Variants in EIF2AK2 observed in about 807,000 individuals in gnomAD.
EIF2AK2 encodes eukaryotic translation initiation factor 2 alpha kinase 2.
Under a neutral mutation model 70.5 loss-of-function variants are expected in EIF2AK2, and 40 were observed. The observed-to-expected ratio is 0.57, with a 90% CI of 0.44 to 0.74. The LOEUF (loss-of-function observed/expected upper bound fraction) is 0.74. Ranked by LOEUF, EIF2AK2 falls within the 30% of genes least tolerant of loss-of-function variation. The pLI is 0.00. For synonymous variants in EIF2AK2, 198 were observed against 220.9 expected (o/e 0.90, Z 0.92); for missense variants, 555 against 644.3 (o/e 0.86, Z 1.50).
intron 1 of EIF2AK2, chr2:37,149,282 T>C: frequency 1.9e-6 from 2 of 1,054,512 alleles, no homozygotes; most frequent in East Asian, 2.4e-5. Context: ...GGAGAAATAA[T>C]TCATTATAAA....
chr2:37,133,497 G>C (rs939081889), intron 10 of EIF2AK2, among the ~76,000 whole-genome samples: 5 of 152,172 alleles, frequency 3.3e-5, no homozygotes, highest in African/African-American at 1.2e-4. Context: ...ACACCAAAAT[G>C]GAAGGGGCCT....
At chr2:37,123,997 T>C (rs1674645860) in intron 11 of EIF2AK2, among the ~76,000 whole-genome samples, 1 of 151,844 alleles carries the variant, frequency 6.6e-6, no homozygotes, top group African/African-American at 2.4e-5. Flanking sequence ...TGAGACAGGG[T>C]CTCACTCTGT....
At chr2:37,147,081 C>T in intron 3 of EIF2AK2, 108 bp from the exon 4 acceptor site, 1 of 1,070,390 alleles carries the variant, frequency 9.3e-7, no homozygotes, top group Non-Finnish European at 1.3e-6. Flanking sequence ...GGGTTTGAAC[C>T]TACATTCAAT....
At chr2:37,111,875 AAAAATATATATATATATAT>A (rs1474103988) in intron 14 of EIF2AK2, among the ~76,000 whole-genome samples, 3 of 40,158 alleles carry the variant, frequency 7.5e-5, no homozygotes, top group Admixed American at 3.5e-4. Flanking sequence ...AAAAAAAAAA[AAAAATATATATATATATAT>A]ATATATATAT....
In EIF2AK2 at chr2:37,107,634, T is replaced by G. The variant is rs1572995198; in HGVS notation, c.1480-107A>C. On this transcript the variant is annotated intron_variant, in intron 15 of 16. Transcript: ENST00000233057. Reference sequence around the variant, plus strand: ...AAATGTAGGATATTTCCAGATTTTTTGGGAAAGTCTCTTTAGCCAAGAAGC... The same window carrying G: ...AAATGTAGGATATTTCCAGATTTTTGGGGAAAGTCTCTTTAGCCAAGAAGC... 5 of 1,302,524 alleles carry G rather than the reference T, an allele frequency of 3.8e-6. No homozygotes were observed. The African/African-American group carries it at 4.5e-5, about 12-fold the overall frequency. The allele number at this position is 1,302,524 out of a possible 1,614,324, so 80.7% of individuals were successfully genotyped here.
At chr2:37,135,972 T>C (rs1464150152) in intron 9 of EIF2AK2, among the ~76,000 whole-genome samples, 1 of 152,196 alleles carries the variant, frequency 6.6e-6, no homozygotes, top group Non-Finnish European at 1.5e-5. Flanking sequence ...ACCGTTCTCC[T>C]CTGGCCTCTA....
Position 37,114,797 on chromosome 2 carries a change from T to C in EIF2AK2, c.1311A>G (p.Thr437=). Residue 437 remains threonine (T), a synonymous_variant, in exon 14 of 17, where the codon ACA becomes ACG. Transcript: ENST00000233057. ...TTCGCTTTCCATCATTTTTCAGAGA[T>C]GTTACAAGTCCAAAGTCTCCAATCT... ...QVKIGDFGLV[T]SLKNDGKRTR... is the part of the protein sequence containing the mutation. The C allele has an allele frequency of 7.5e-6, 12 of 1,604,330 alleles. No individual in the cohort carries two copies. The highest frequency in any genetic ancestry group is 1.3e-5 in the African/African-American group (1 of 74,544).
chr2:37,148,845 G>C lies in EIF2AK2; in HGVS notation c.-17+12C>G, dbSNP rs889838930. The C allele has an allele frequency of 2.4e-6, 2 of 842,926 alleles. No individual in the cohort carries two copies. The highest frequency in any genetic ancestry group is 1.7e-5 in the Admixed American group (1 of 58,512). 52.2% of individuals were successfully genotyped at this position (842,926 alleles called of 1,614,324 possible). On this transcript the variant is annotated intron_variant, in intron 2 of 16. Coordinates refer to ENST00000233057, the MANE Select transcript of EIF2AK2 (RefSeq NM_001135651.3). ...ACTTTTCTGAGTGCAAAATTCGGAA[G>C]ACCGCTTGTACCTGGTTGGAAGCTT...
At chr2:37,123,046 T>A (rs955860342) in intron 11 of EIF2AK2, among the ~76,000 whole-genome samples, 35 of 151,872 alleles carry the variant, frequency 2.3e-4, no homozygotes, top group African/African-American at 8.0e-4. Flanking sequence ...CGCATGTCTG[T>A]AATCCCAGCT....
chr2:37,107,086 A>G lies in EIF2AK2; in HGVS notation c.*187T>C. 1.4e-6 allele frequency: 1 copy of G among 720,426 alleles called. No homozygotes were observed. Among genetic ancestry groups the G allele is most frequent in the South Asian group, 3.1e-5 (1 of 32,182 alleles). 44.6% of individuals were successfully genotyped at this position (720,426 alleles called of 1,614,324 possible). ...AAGAGATGAGCCAGGAAAAAGTAAA[A>G]TGTAAGAATGTTTTTGAAGCAAAAA... On this transcript the variant is annotated 3_prime_UTR_variant, in exon 17 of 17. Coordinates refer to ENST00000233057, the MANE Select transcript of EIF2AK2 (RefSeq NM_001135651.3).
intron 11 of EIF2AK2, among the ~76,000 whole-genome samples, chr2:37,122,926 G>C (rs1274527042): frequency 6.6e-6 from 1 of 152,164 alleles, no homozygotes; most frequent in East Asian, 1.9e-4. Flanking sequence ...CCAGCACTTT[G>C]GGAGGCGAAG....
chr2:37,147,836 G>T lies in EIF2AK2; in HGVS notation c.-16-14C>A. 1 of 1,528,060 alleles carries T rather than the reference G, an allele frequency of 6.5e-7. No individual in the cohort carries two copies. Among genetic ancestry groups the T allele is most frequent in the Non-Finnish European group, 9.1e-7 (1 of 1,103,688 alleles). The allele number at this position is 1,528,060 out of a possible 1,614,324, so 94.7% of individuals were successfully genotyped here. ...TCTTCCCGTATCCTACAATGGAAGA[G>T]ACATTTGAATGAGTGATGCTCACAG... On this transcript the variant is annotated splice_polypyrimidine_tract_variant and intron_variant, in intron 2 of 16. Coordinates refer to ENST00000233057, the MANE Select transcript of EIF2AK2 (RefSeq NM_001135651.3).
intron 10 of EIF2AK2, among the ~76,000 whole-genome samples, chr2:37,133,068 A>G (rs935296182): frequency 6.6e-6 from 1 of 152,092 alleles, no homozygotes; most frequent in Non-Finnish European, 1.5e-5. Flanking sequence ...AGCCCTACGA[A>G]TCACCTGGAA....
intron 10 of EIF2AK2, 39 bp from the exon 11 acceptor site, chr2:37,126,450 C>G (rs1299736960): frequency 6.3e-7 from 1 of 1,592,144 alleles, no homozygotes; most frequent in Admixed American, 1.8e-5. Context: ...ACATTTCATG[C>G]TCAACCCCCA....
In EIF2AK2 at chr2:37,114,629, A is replaced by G. The variant is rs1037384555; in HGVS notation, c.1377+102T>C. On this transcript the variant is annotated intron_variant, in intron 14 of 16. Coordinates refer to ENST00000233057, the MANE Select transcript of EIF2AK2 (RefSeq NM_001135651.3). The stretch of plus-strand genomic sequence containing the variant: ...AAGAATGGTAAGGAAAATTTTTAGT[A>G]TATACTTCTGTACAGTTTTAATTAT... 4 of 1,089,516 alleles carry G rather than the reference A, an allele frequency of 3.7e-6. No individual in the cohort carries two copies. The Admixed American group carries it at 1.2e-4, about 34-fold the overall frequency. 67.5% of individuals were successfully genotyped at this position (1,089,516 alleles called of 1,614,324 possible).
chr2:37,138,009 C>T (rs1213975610), intron 8 of EIF2AK2, among the ~76,000 whole-genome samples: 1 of 150,694 alleles, frequency 6.6e-6, no homozygotes. Flanking sequence ...ACTCAGGAGG[C>T]TGAGGCAGGA....
intron 11 of EIF2AK2, among the ~76,000 whole-genome samples, chr2:37,123,426 C>G (rs1182292997): frequency 6.6e-6 from 1 of 151,754 alleles, no homozygotes; most frequent in Admixed American, 6.6e-5. Flanking sequence ...ACCACCACAC[C>G]CATCTAATTT....
chr2:37,153,564 A>G (rs773491255), intron 1 of EIF2AK2, among the ~76,000 whole-genome samples: 3 of 151,988 alleles, frequency 2.0e-5, no homozygotes, highest in African/African-American at 7.2e-5. Context: ...GGTACCTCAT[A>G]TAAGTGGAAT....
chr2:37,117,117 G>A (rs965561637), intron 13 of EIF2AK2, among the ~76,000 whole-genome samples: 2 of 151,170 alleles, frequency 1.3e-5, no homozygotes, highest in Non-Finnish European at 2.9e-5. Context: ...AGAGGCTGAC[G>A]CAGGAGAATC....
Sources: allele counts gnomAD v4.1 joint callset (sites outside exome capture counted in the v4.1 genomes callset), GRCh38; gene constraint gnomAD v4.1.1; transcripts MANE v1.5; gene names NCBI Gene and HGNC (gene_info 2026-07-23, HGNC 2026-07-21).